RC3H1: variants seen among roughly 807,000 people sequenced by gnomAD.
RC3H1 encodes the protein ring finger and CCCH-type domains 1, also known as roquin-1.
RC3H1 carries 50 observed loss-of-function variants against 138.2 expected under a neutral mutation model. The observed-to-expected ratio is 0.36, with a 90% CI of 0.29 to 0.46. RC3H1 has a LOEUF of 0.46. Among genes scored for constraint, RC3H1 ranks in the 20% least tolerant of loss-of-function variants. The pLI is 1.00. For missense variants in RC3H1, 1,031 were observed against 1,388.1 expected (o/e 0.74, Z 4.09); for synonymous variants, 462 against 489.1 (o/e 0.94, Z 0.73).
At chr1:173,942,043 A>G (rs991202779) in intron 18 of RC3H1, among the ~76,000 whole-genome samples, 30 of 151,710 alleles carry the variant, frequency 2.0e-4, no homozygotes, top group Non-Finnish European at 3.4e-4. Context: ...GTTTGAGATC[A>G]GCCTGGCCAA....
intron 9 of RC3H1, 102 bp downstream of exon 9, chr1:173,970,403 C>T (rs975244035): frequency 1.3e-6 from 1 of 779,386 alleles, no homozygotes; most frequent in Non-Finnish European, 2.2e-6. Context: ...TAAAAATGTC[C>T]TATTCATTTA....
At chr1:173,980,013 G>A (rs1437199050) in intron 6 of RC3H1, among the ~76,000 whole-genome samples, 2 of 151,360 alleles carry the variant, frequency 1.3e-5, no homozygotes, top group African/African-American at 2.4e-5. Flanking sequence ...AGGTAGCTGA[G>A]ACTATAGGCG....
chr1:173,952,614 G>C (rs907106996), intron 13 of RC3H1, among the ~76,000 whole-genome samples: 3 of 151,958 alleles, frequency 2.0e-5, no homozygotes, highest in African/African-American at 7.2e-5. Flanking sequence ...AGTACATGAT[G>C]ATGTAGTAAC....
Position 173,935,162 on chromosome 1 carries a change from T to TC in RC3H1, c.*3558dup. The stretch of plus-strand genomic sequence containing the variant: ...AATTAGAAAAGTAATAAGGAATGGA[T>TC]CTTTGGTCACTTCAGCCTCTGTACG... On this transcript the variant is annotated 3_prime_UTR_variant, in exon 20 of 20. Transcript: ENST00000367696. 1 of 152,298 alleles carries TC rather than the reference T, an allele frequency of 6.6e-6. No homozygotes were observed. The highest frequency in any genetic ancestry group is 2.1e-4 in the South Asian group (1 of 4,826). The allele number at this position is 152,298 out of a possible 1,614,324, so 9.4% of individuals were successfully genotyped here.
intron 2 of RC3H1, among the ~76,000 whole-genome samples, chr1:173,987,334 G>A (rs952560579): frequency 7.9e-5 from 12 of 152,048 alleles, no homozygotes; most frequent in African/African-American, 2.4e-4. Context: ...TAATTGTATC[G>A]TGTAGACTCA....
intron 1 of RC3H1, among the ~76,000 whole-genome samples, chr1:173,994,022 GAAAAAAA>G (rs372280833): frequency 2.1e-5 from 1 of 46,958 alleles, no homozygotes; most frequent in Non-Finnish European, 4.0e-5. Flanking sequence ...CTCCATCTCA[GAAAAAAA>G]AAAAAAAAAA....
At chr1:173,986,518 C>T (rs1375623202) in intron 2 of RC3H1, among the ~76,000 whole-genome samples, 1 of 152,040 alleles carries the variant, frequency 6.6e-6, no homozygotes, top group Non-Finnish European at 1.5e-5. Flanking sequence ...GGGCTCAAGC[C>T]ATCCACCCAC....
chr1:173,978,529 C>T lies in RC3H1; in HGVS notation c.1061G>A (p.Arg354Lys). The T allele has an allele frequency of 6.2e-7, 1 of 1,614,076 alleles. No homozygotes were observed. The highest frequency in any genetic ancestry group is 8.5e-7 in the Non-Finnish European group (1 of 1,180,000). The change falls in exon 7 of 20, where the codon AGA becomes AAA. Residue 354 changes from arginine (R) to lysine (K), a missense_variant. Physicochemically the swap from Arg to Lys is conservative, Grantham distance 26. Transcript: ENST00000367696. ...GTTTGCTAACAGCTCCAAATGGGGT[C>T]TTAGTCGGTTCAAGTTTGCTGGGTC... ...TGDPANLNRL[R>K]PHLELLANID...
At chr1:173,997,351 AG>A (rs1258421085) in intron 1 of RC3H1, among the ~76,000 whole-genome samples, 6 of 152,210 alleles carry the variant, frequency 3.9e-5, no homozygotes, top group African/African-American at 9.7e-5. Flanking sequence ...GAGTACACTT[AG>A]AGTACAATTT....
intron 1 of RC3H1, among the ~76,000 whole-genome samples, chr1:174,007,246 C>T (rs1227191616): frequency 3.3e-5 from 5 of 151,894 alleles, no homozygotes; most frequent in East Asian, 1.9e-4. Context: ...AAAAATTAGC[C>T]GGGCGTGGTG....
chr1:173,961,052 A>C, intron 13 of RC3H1, 25 bp downstream of exon 13: 2 of 1,608,002 alleles, frequency 1.2e-6, no homozygotes, highest in Non-Finnish European at 1.7e-6. Context: ...ACACGGATAA[A>C]TGAGACTAAA....
chr1:174,017,783 C>CAAAAAA lies in RC3H1; in HGVS notation c.-151+4307_-151+4312dup, dbSNP rs61239660. On this transcript the variant is annotated intron_variant, in intron 1 of 19. Coordinates refer to ENST00000367696, the MANE Select transcript of RC3H1 (RefSeq NM_172071.4). ...ACCCCTTTAGAACTCTTTTCTTGCTCAAAAAAAAAAAAAAAAAAAAAAAAA... is the reference window on the plus strand; with the variant it reads ...ACCCCTTTAGAACTCTTTTCTTGCTCAAAAAAAAAAAAAAAAAAAAAAAAAAAAAAA... Among the ~76,000 whole-genome samples, 319 of 72,016 alleles carry CAAAAAA rather than the reference C, an allele frequency of 4.4e-3. 35 individuals carry two copies. Among genetic ancestry groups the CAAAAAA allele is most frequent in the African/African-American group, 0.018 (307 of 17,512 alleles). The allele number at this position is 72,016 out of a possible 152,430, so 47.2% of individuals were successfully genotyped here.
At chr1:173,981,118 T>C (rs1276389818) in intron 5 of RC3H1, 109 bp from the exon 6 acceptor site, 11 of 861,174 alleles carry the variant, frequency 1.3e-5, no homozygotes, top group Non-Finnish European at 2.0e-5. Context: ...CAAGATTAAA[T>C]GAATATACCA....
At position 173,942,428 on chromosome 1, in the gene RC3H1, C is replaced by CAAAAAA. The variant is rs60694243; in HGVS notation, c.3135+1008_3135+1013dup. ...ACCCTGGGTGACAGAGACTCAGTCT[C>CAAAAAA]AAAAAAAAAAAAAAAAAAAAAAGAA... On this transcript the variant is annotated intron_variant, in intron 18 of 19. Coordinates refer to ENST00000367696, the MANE Select transcript of RC3H1 (RefSeq NM_172071.4). 4.0e-3 allele frequency among the ~76,000 whole-genome samples: 151 copies of CAAAAAA among 37,884 alleles called. 11 individuals carry two copies. The highest frequency in any genetic ancestry group is 0.014 in the African/African-American group (96 of 6,986). The allele number at this position is 37,884 out of a possible 152,430, so 24.9% of individuals were successfully genotyped here.
chr1:173,966,202 G>A, intron 9 of RC3H1, among the ~76,000 whole-genome samples: 1 of 152,152 alleles, frequency 6.6e-6, no homozygotes, highest in East Asian at 1.9e-4. Flanking sequence ...AGATGCTGAT[G>A]TTATGTATGC....
Position 173,961,155 on chromosome 1 carries a change from C to G in RC3H1, c.2292G>C (p.Gln764His). 2 of 1,613,890 alleles carry G rather than the reference C, an allele frequency of 1.2e-6. No individual in the cohort carries two copies. The highest frequency in any genetic ancestry group is 1.7e-5 in the Admixed American group (1 of 59,962). The change falls in exon 13 of 20, where the codon CAG (glutamine) becomes CAC (histidine). Residue 764 changes from glutamine (Q) to histidine (H), a missense_variant. Physicochemically the swap from Gln to His is conservative, Grantham distance 24. Coordinates refer to ENST00000367696, the MANE Select transcript of RC3H1 (RefSeq NM_172071.4). ...LHRRRKEIMA[Q>H]LEERKVISPP... The stretch of plus-strand genomic sequence containing the variant: ...GAGAGATAACCTTTCTTTCCTCTAG[C>G]TGGGCCATTATTTCCTTTCGTCGGC...
chr1:173,993,383 G>A (rs1661374635), intron 1 of RC3H1, among the ~76,000 whole-genome samples: 3 of 151,528 alleles, frequency 2.0e-5, no homozygotes, highest in Admixed American at 2.0e-4. Context: ...GTTCCATCCA[G>A]GACCCTAGTC....
intron 1 of RC3H1, 144 bp downstream of exon 1, chr1:174,021,952 G>T: frequency 5.3e-6 from 2 of 377,156 alleles, no homozygotes; most frequent in Non-Finnish European, 9.4e-6. Flanking sequence ...TGAGGAGCCT[G>T]GGGCCGGCCG....
intron 13 of RC3H1, among the ~76,000 whole-genome samples, chr1:173,955,667 A>G (rs759768048): frequency 7.2e-5 from 11 of 152,084 alleles, no homozygotes; most frequent in Non-Finnish European, 1.0e-4. Context: ...AATGTTGTAG[A>G]TACAAAAAGC....
Sources: gnomAD v4.1 joint callset for allele counts (sites outside exome capture counted in the v4.1 genomes callset) on GRCh38, gnomAD v4.1.1 for gene constraint, MANE v1.5 for transcripts, NCBI Gene and HGNC (gene_info 2026-07-23, HGNC 2026-07-21) for gene names.